The following TNRC6A variants were observed in gnomAD, a reference collection of about 807,000 sequenced individuals.
TNRC6A encodes trinucleotide repeat containing adaptor 6A, also known as trinucleotide repeat-containing gene 6A protein.
A neutral mutation model predicts 221.2 loss-of-function variants in TNRC6A; 44 were observed. The ratio of observed to expected loss-of-function variants is 0.20; its 90% CI spans 0.16 to 0.26. The LOEUF is 0.26. Among genes scored for constraint, TNRC6A ranks in the 10% least tolerant of loss-of-function variants. TNRC6A has a pLI of 1.00. For missense variants in TNRC6A, 2,199 were observed against 2,404.4 expected, an observed-to-expected ratio of 0.91 and a Z score of 1.79; for synonymous variants, 847 against 838.5, an observed-to-expected ratio of 1.01 and a Z score of -0.18.
chr16:24,611,237 C>A (rs1343069520), intron 1 of TNRC6A, among the ~76,000 whole-genome samples: 4 of 152,132 alleles, frequency 2.6e-5, no homozygotes, highest in African/African-American at 7.2e-5. Context: ...TCCTTTCTGG[C>A]CAGAGCCTGA....
chr16:24,706,958 T>C (rs1303111502), intron 2 of TNRC6A, among the ~76,000 whole-genome samples: 2 of 149,882 alleles, frequency 1.3e-5, no homozygotes, highest in Non-Finnish European at 2.9e-5. Context: ...AGATAAACGA[T>C]GTATTTATTT....
Position 24,729,787 on chromosome 16 carries a change from T to C in TNRC6A, c.-55T>C. 1 of 1,402,308 alleles carries C rather than the reference T, an allele frequency of 7.1e-7. No homozygotes were observed. Among genetic ancestry groups the C allele is most frequent in the East Asian group, 3.1e-5 (1 of 32,046 alleles). The allele number at this position is 1,402,308 out of a possible 1,614,324, so 86.9% of individuals were successfully genotyped here. A position where few individuals can be genotyped will look rare whatever the true frequency, so the allele number is the denominator to read the frequency against. The stretch of plus-strand genomic sequence containing the variant: ...CTCTCCCCGCGGCGCTGCGGAGGGC[T>C]TGAGGCTCGCGAGCCTCCTTCGCCG... On this transcript the variant is annotated 5_prime_UTR_variant, in exon 1 of 25. Coordinates refer to ENST00000395799, the MANE Select transcript of TNRC6A (RefSeq NM_014494.4).
intron 11 of TNRC6A, among the ~76,000 whole-genome samples, chr16:24,800,768 A>G (rs370698440): frequency 6.6e-6 from 1 of 152,160 alleles, no homozygotes; most frequent in African/African-American, 2.4e-5. Flanking sequence ...AGGGAGGGGA[A>G]TGCTGGGAGA....
chr16:24,806,823 A>AAT, intron 17 of TNRC6A, 39 bp downstream of exon 17: 13 of 1,593,002 alleles, frequency 8.2e-6, no homozygotes, highest in Non-Finnish European at 1.1e-5. Context: ...ACTGATGCTT[A>AAT]GGTATCACAG....
In TNRC6A at chr16:24,791,007, G is replaced by A. The variant is rs1362025874; in HGVS notation, c.2365G>A (p.Ala789Thr). The A allele has an allele frequency of 1.8e-5, 29 of 1,592,918 alleles. No individual in the cohort carries two copies. Among genetic ancestry groups the A allele is most frequent in the Non-Finnish European group, 2.5e-5 (29 of 1,169,572 alleles). ...SVSGWGDPKP[A>T]LRWGDSKGSN... The stretch of plus-strand genomic sequence containing the variant: ...ATCAGGGTGGGGCGATCCCAAACCT[G>A]CTCTGAGGTGGGGAGATTCCAAAGG... The change falls in exon 6 of 25, where the codon GCT becomes ACT. Residue 789 changes from alanine (A) to threonine (T), a missense_variant. Coordinates refer to ENST00000395799, the MANE Select transcript of TNRC6A (RefSeq NM_014494.4).
At chr16:24,767,522 T>G (rs985369954) in intron 4 of TNRC6A, among the ~76,000 whole-genome samples, 1 of 152,206 alleles carries the variant, frequency 6.6e-6, no homozygotes, top group African/African-American at 2.4e-5. Flanking sequence ...TTTTATCTAT[T>G]TTATCAAATT....
chr16:24,765,248 G>A (rs999676640), intron 4 of TNRC6A, among the ~76,000 whole-genome samples: 1 of 152,170 alleles, frequency 6.6e-6, no homozygotes, highest in African/African-American at 2.4e-5. Flanking sequence ...TGGATTCTCA[G>A]AGGAGAAAAC....
intron 5 of TNRC6A, among the ~76,000 whole-genome samples, chr16:24,788,888 TC>T (rs1172493539): frequency 6.6e-6 from 1 of 152,224 alleles, no homozygotes; most frequent in Non-Finnish European, 1.5e-5. Flanking sequence ...GACCTCGTGA[TC>T]CACCCACCTC....
At chr16:24,687,739 CA>C (rs2055654615) in intron 2 of TNRC6A, among the ~76,000 whole-genome samples, 1 of 151,384 alleles carries the variant, frequency 6.6e-6, no homozygotes, top group Non-Finnish European at 1.5e-5. Flanking sequence ...ATCCAGGCTA[CA>C]ATGAGCTATG....
In TNRC6A at chr16:24,820,358, C is replaced by T. The variant is rs1205725067; in HGVS notation, c.5300C>T (p.Pro1767Leu). ...GGAAATTCTGACGCCAGATATACCC[C>T]AGGTAAGATGCAGTCGTAAGGTGGG... is the stretch of plus-strand genomic sequence containing the variant. ...GWGNSDARYT[P>L]GSSWGESSSG... is the part of the protein sequence containing the mutation. The change falls in exon 22 of 25, where the codon CCA becomes CTA. Residue 1767 changes from proline (P) to leucine (L), a missense_variant and splice_region_variant. This residue lies in a region of TNRC6A where 449 missense variants were observed against 579.7 expected (regional missense o/e 0.77). Coordinates refer to ENST00000395799, the MANE Select transcript of TNRC6A (RefSeq NM_014494.4). The T allele has an allele frequency of 6.2e-7, 1 of 1,613,914 alleles. No individual in the cohort carries two copies. Among genetic ancestry groups the T allele is most frequent in the Non-Finnish European group, 8.5e-7 (1 of 1,179,780 alleles).
At chr16:24,719,517 G>T (rs577949554) in intron 2 of TNRC6A, among the ~76,000 whole-genome samples, 4 of 152,094 alleles carry the variant, frequency 2.6e-5, no homozygotes, top group South Asian at 2.1e-4. Context: ...AAAATTATCT[G>T]GGTGTGGCGA....
intron 22 of TNRC6A, chr16:24,821,837 C>T: frequency 1.8e-6 from 1 of 550,344 alleles, no homozygotes. Flanking sequence ...CACTGCCCTC[C>T]TCTGTGGTGA....
intron 2 of TNRC6A, among the ~76,000 whole-genome samples, chr16:24,736,097 G>A (rs765633652): frequency 3.9e-5 from 6 of 152,164 alleles, no homozygotes; most frequent in Non-Finnish European, 8.8e-5. Flanking sequence ...CCTGGGAGGC[G>A]AGGGTTGCAG....
At chr16:24,749,782 C>T (rs2057095141) in intron 2 of TNRC6A, among the ~76,000 whole-genome samples, 1 of 152,174 alleles carries the variant, frequency 6.6e-6, no homozygotes. Context: ...AATCCTGAAC[C>T]AGAGGTTCTG....
chr16:24,787,375 G>A (rs2057996541), intron 5 of TNRC6A, among the ~76,000 whole-genome samples: 1 of 152,096 alleles, frequency 6.6e-6, no homozygotes, highest in Non-Finnish European at 1.5e-5. Flanking sequence ...AAATTAACCT[G>A]TGAACCTCAG....
At position 24,648,692 on chromosome 16, in the gene TNRC6A, T is replaced by C. The variant is rs1241387326; in HGVS notation, n.402+7683T>C. 2.6e-5 allele frequency among the ~76,000 whole-genome samples: 4 copies of C among 152,302 alleles called. No homozygotes were observed. The East Asian group carries it at 7.7e-4, about 29-fold the overall frequency. ...GTTTTGTTGGTAATCGCCATCCTAA[T>C]GGGTATGAAGTGGTATTCTGAGGTT... is the stretch of plus-strand genomic sequence containing the variant. On this transcript the variant is annotated intron_variant and non_coding_transcript_variant, in intron 2 of 2. Transcript: ENST00000566108.
chr16:24,811,283 G>A (rs1178998157), intron 18 of TNRC6A, among the ~76,000 whole-genome samples: 2 of 152,158 alleles, frequency 1.3e-5, no homozygotes, highest in Non-Finnish European at 2.9e-5. Flanking sequence ...AAGGACATTT[G>A]ACTAGGAAGT....
intron 2 of TNRC6A, among the ~76,000 whole-genome samples, chr16:24,647,049 T>C (rs1355555412): frequency 6.6e-6 from 1 of 151,726 alleles, no homozygotes; most frequent in Non-Finnish European, 1.5e-5. Flanking sequence ...CACCTCAGCC[T>C]CCTCCCCAGT....
chr16:24,623,334 G>A (rs1203651260), intron 1 of TNRC6A, among the ~76,000 whole-genome samples: 2 of 152,082 alleles, frequency 1.3e-5, no homozygotes, highest in Admixed American at 1.3e-4. Flanking sequence ...GAGTAGCTGG[G>A]ACTACAGGCG....
Sources: allele counts gnomAD v4.1 joint callset (sites outside exome capture counted in the v4.1 genomes callset), GRCh38; gene constraint gnomAD v4.1.1; regional missense constraint gnomAD v4.1.1; transcripts MANE v1.5; gene names NCBI Gene and HGNC (gene_info 2026-07-23, HGNC 2026-07-21).